The following CDH4 variants were observed in gnomAD, a reference collection of about 807,000 sequenced individuals.
The protein encoded by CDH4 is cadherin-4.
A neutral mutation model predicts 86.0 loss-of-function variants in CDH4; 33 were observed. That is an observed-to-expected ratio of 0.38 (90% CI 0.29 to 0.51). The LOEUF (loss-of-function observed/expected upper bound fraction) is 0.51, where lower values mean the gene tolerates loss of function less well. Ranked by LOEUF, CDH4 falls within the 20% of genes least tolerant of loss-of-function variation. The pLI, the probability that CDH4 is intolerant of heterozygous loss-of-function variation, is 0.86. For synonymous variants in CDH4, 555 were observed against 549.4 expected, an observed-to-expected ratio of 1.01 and a Z score of -0.14; for missense variants, 1,114 against 1,307.4, an observed-to-expected ratio of 0.85 and a Z score of 2.28.
In CDH4 at chr20:61,940,168, C is replaced by G. The variant is rs959209293; in HGVS notation, c.*3225C>G. The G allele has an allele frequency of 2.0e-5, 3 of 152,244 alleles. No individual in the cohort carries two copies. The highest frequency in any genetic ancestry group is 2.9e-5 in the Non-Finnish European group (2 of 68,046). The allele number at this position is 152,244 out of a possible 1,614,324, so 9.4% of individuals were successfully genotyped here. A position where few individuals can be genotyped will look rare whatever the true frequency, so the allele number is the denominator to read the frequency against. On this transcript the variant is annotated 3_prime_UTR_variant, in exon 16 of 16. Transcript: ENST00000614565. ...TGGCGCCGTGGGTCCGTAGGAGGGACAGTACCTCACAACAGGCCCAGCGGG... is the reference window on the plus strand; with the variant it reads ...TGGCGCCGTGGGTCCGTAGGAGGGAGAGTACCTCACAACAGGCCCAGCGGG...
intron 2 of CDH4, among the ~76,000 whole-genome samples, chr20:61,521,910 C>T (rs775334712): frequency 1.2e-4 from 18 of 152,186 alleles, no homozygotes; most frequent in Non-Finnish European, 2.1e-4. Flanking sequence ...TTGCGGGCCA[C>T]CTTGCTGTGA....
intron 6 of CDH4, among the ~76,000 whole-genome samples, chr20:61,872,481 G>A: frequency 6.6e-6 from 1 of 151,920 alleles, no homozygotes; most frequent in East Asian, 1.9e-4. Flanking sequence ...AGCACCTCGG[G>A]TCTCTCTGAG....
At chr20:61,310,271 G>T (rs144658857) in intron 2 of CDH4, among the ~76,000 whole-genome samples, 1 of 152,288 alleles carries the variant, frequency 6.6e-6, no homozygotes, top group African/African-American at 2.4e-5. Flanking sequence ...AAGGCTCCAT[G>T]TCCTACTCAG....
Position 61,639,095 on chromosome 20 carries a change from G to A in CDH4, c.170-104468G>A, listed in dbSNP as rs536314727. ...AGTGAATGACAAGAGAAAGAAAGGG[G>A]CAGCACCAGCCTGTGTGCGGGATAA... On this transcript the variant is annotated intron_variant, in intron 2 of 15. Coordinates refer to ENST00000614565, the MANE Select transcript of CDH4 (RefSeq NM_001794.5). 3.3e-5 allele frequency among the ~76,000 whole-genome samples: 5 copies of A among 152,350 alleles called. No homozygotes were observed. In the East Asian group the frequency reaches 7.7e-4, roughly 23 times the overall value.
At chr20:61,801,339 A>G (rs6061831) in intron 4 of CDH4, among the ~76,000 whole-genome samples, 46,533 of 151,940 alleles carry the variant, frequency 0.31, 7,450 homozygotes, top group African/African-American at 0.39. Flanking sequence ...TCTAGGGTTG[A>G]GGGCATCAAC....
chr20:61,574,068 T>C (rs61324855), intron 2 of CDH4, among the ~76,000 whole-genome samples: 16,987 of 152,186 alleles, frequency 0.11, 2,171 homozygotes, highest in African/African-American at 0.31. Context: ...CCCACAGCCC[T>C]GGGGTGGCTT....
At chr20:61,620,194 A>ATGGATGGATGGATGGACGGATGGG in intron 2 of CDH4, among the ~76,000 whole-genome samples, 1 of 144,260 alleles carries the variant, frequency 6.9e-6, no homozygotes, top group African/African-American at 2.7e-5. Context: ...GGGTGGATGG[A>ATGGATGGATGGATGGACGGATGGG]TGGATGGATG....
At position 61,852,829 on chromosome 20, in the gene CDH4, A is replaced by C. The variant is rs1429345299; in HGVS notation, c.808A>C (p.Met270Leu). The C allele has an allele frequency of 1.9e-6, 3 of 1,614,110 alleles. No individual in the cohort carries two copies. The East Asian group carries it at 6.7e-5, about 36-fold the overall frequency. ...CGACCTGTACATCTACGTCATCGAC[A>C]TGAATGACAACCGCCCTGAGTTCAT... ...PIDLYIYVID[M>L]NDNRPEFINQ... The change falls in exon 6 of 16, where the codon ATG (methionine) becomes CTG (leucine). Residue 270 changes from methionine to leucine, a missense_variant. Transcript: ENST00000614565.
chr20:61,502,085 G>C (rs2085706021), intron 2 of CDH4, among the ~76,000 whole-genome samples: 1 of 151,928 alleles, frequency 6.6e-6, no homozygotes, highest in African/African-American at 2.4e-5. Flanking sequence ...GAAGTGGAGT[G>C]GGGGACAGGG....
rs2087511664 is a variant in CDH4 at position 61,681,430 on chromosome 20, T to C, written c.170-62133T>C. Among the ~76,000 whole-genome samples, 1 of 152,216 alleles carries C rather than the reference T, an allele frequency of 6.6e-6. No homozygotes were observed. The highest frequency in any genetic ancestry group is 1.5e-5 in the Non-Finnish European group (1 of 68,038). On this transcript the variant is annotated intron_variant, in intron 2 of 15. Transcript: ENST00000614565. The surrounding 1 kb of genome is among the most constrained non-coding windows in gnomAD (Gnocchi z 4.5). ...GGATTAGACAATCCTTGGAACTTTATAACTGTGTGCGTATTTCAAGGGATC... is the reference window on the plus strand; with the variant it reads ...GGATTAGACAATCCTTGGAACTTTACAACTGTGTGCGTATTTCAAGGGATC...
At chr20:61,357,259 G>A (rs890400241) in intron 2 of CDH4, among the ~76,000 whole-genome samples, 2 of 152,180 alleles carry the variant, frequency 1.3e-5, no homozygotes. Flanking sequence ...CTTTGTTTCA[G>A]CCTCGCCTTG....
chr20:61,553,787 A>G (rs1355757087), intron 2 of CDH4, among the ~76,000 whole-genome samples: 2 of 152,186 alleles, frequency 1.3e-5, no homozygotes, highest in African/African-American at 4.8e-5. Flanking sequence ...CCCCTGTCCC[A>G]TGAGGTTCCC....
rs373660251 is a variant in CDH4, at chr20:61,844,635, A to T, written c.577-33A>T. On this transcript the variant is annotated intron_variant, in intron 4 of 15. Transcript: ENST00000614565. ...GCCCCGGGCCTCTCCTCACCACAGG[A>T]TAACCTCTTCTCGCTTTGCTCCTGC... 2.5e-6 allele frequency: 4 copies of T among 1,592,208 alleles called. No individual in the cohort carries two copies. In the African/African-American group the frequency reaches 5.4e-5, roughly 21 times the overall value.
chr20:61,574,698 A>AG (rs1196389807), intron 2 of CDH4, among the ~76,000 whole-genome samples: 4 of 152,196 alleles, frequency 2.6e-5, no homozygotes, highest in Non-Finnish European at 5.9e-5. Context: ...CCTGGATGGA[A>AG]GTGCTCCGGC....
intron 2 of CDH4, among the ~76,000 whole-genome samples, chr20:61,584,860 C>A (rs2086457749): frequency 1.1e-4 from 1 of 9,022 alleles, no homozygotes; most frequent in South Asian, 8.1e-3. Flanking sequence ...CTCTCCCGCA[C>A]TGCACACTTG....
intron 4 of CDH4, among the ~76,000 whole-genome samples, chr20:61,804,477 C>A (rs539525604): frequency 6.6e-6 from 1 of 152,300 alleles, no homozygotes; most frequent in South Asian, 2.1e-4. Flanking sequence ...CAGCCACACC[C>A]GGGGGGCAGC....
Position 61,605,317 on chromosome 20 carries a change from C to T in CDH4, c.170-138246C>T, listed in dbSNP as rs551252831. Among the ~76,000 whole-genome samples, 357 of 121,540 alleles carry T rather than the reference C, an allele frequency of 2.9e-3. 2 individuals carry two copies. The highest frequency in any genetic ancestry group is 9.4e-3 in the African/African-American group (344 of 36,554). 79.7% of individuals were successfully genotyped at this position (121,540 alleles called of 152,430 possible). The stretch of plus-strand genomic sequence containing the variant: ...TGTGGGGTGGGTCCTTGGTGGGGCC[C>T]ACTCTGCCTCTCTCTCTCTGTGTGT... On this transcript the variant is annotated intron_variant, in intron 2 of 15. Transcript: ENST00000614565.
chr20:61,602,694 TAA>T lies in CDH4; in HGVS notation c.170-140844_170-140843del, dbSNP rs10641053. Among the ~76,000 whole-genome samples, 835 of 89,116 alleles carry T rather than the reference TAA, an allele frequency of 9.4e-3. 5 individuals carry two copies. Among genetic ancestry groups the T allele is most frequent in the African/African-American group, 0.033 (758 of 22,664 alleles). The allele number at this position is 89,116 out of a possible 152,430, so 58.5% of individuals were successfully genotyped here. ...TGCTGGGTTTATACATTCACTTTAT[TAA>T]AAAAAAAAAAAAAAAAAAAAAAAAC... is the stretch of plus-strand genomic sequence containing the variant. On this transcript the variant is annotated intron_variant, in intron 2 of 15. Transcript: ENST00000614565.
At chr20:61,645,360 CTCACACCTATAA>C (rs1427773590) in intron 2 of CDH4, among the ~76,000 whole-genome samples, 1 of 152,198 alleles carries the variant, frequency 6.6e-6, no homozygotes, top group Non-Finnish European at 1.5e-5. Context: ...GGTGCAGCTG[CTCACACCTATAA>C]TCCCAGCCCT....
Sources: allele counts gnomAD v4.1 joint callset (sites outside exome capture counted in the v4.1 genomes callset), GRCh38; gene constraint gnomAD v4.1.1; non-coding constraint Gnocchi (gnomAD v3.1); transcripts MANE v1.5; gene names NCBI Gene and HGNC (gene_info 2026-07-23, HGNC 2026-07-21).